ZNF431: variants seen among roughly 807,000 people sequenced by gnomAD.
ZNF431 encodes the protein zinc finger protein 431.
In ZNF431, 34 loss-of-function variants were observed where a neutral mutation model predicts 57.0. That is an observed-to-expected ratio of 0.60 (90% CI 0.45 to 0.79). ZNF431 has a LOEUF of 0.79. ZNF431 is among the 30% of genes least tolerant of loss of function. The pLI, the probability that ZNF431 is intolerant of heterozygous loss-of-function variation, is 0.00. For synonymous variants in ZNF431, 207 were observed against 220.3 expected, an observed-to-expected ratio of 0.94 and a Z score of 0.54; for missense variants, 607 against 667.1, an observed-to-expected ratio of 0.91 and a Z score of 0.99.
At chr19:21,158,497 A>G (rs896861805) in intron 2 of ZNF431, among the ~76,000 whole-genome samples, 3 of 152,140 alleles carry the variant, frequency 2.0e-5, no homozygotes, top group South Asian at 2.1e-4. Flanking sequence ...GGGCCTGGCC[A>G]TCTCTGACTT....
chr19:21,193,572 G>A lies in ZNF431; in HGVS notation c.*9538G>A, dbSNP rs1010070338. 1.3e-5 allele frequency: 2 copies of A among 151,972 alleles called. No homozygotes were observed. Among genetic ancestry groups the A allele is most frequent in the African/African-American group, 2.4e-5 (1 of 41,388 alleles). 9.4% of individuals were successfully genotyped at this position (151,972 alleles called of 1,614,324 possible). ...TAAAAACCTGTGTCATCTTGATACC[G>A]AAGTCTAGTGAAGACAACAACAACA... On this transcript the variant is annotated 3_prime_UTR_variant, in exon 5 of 5. Coordinates refer to ENST00000311048, the MANE Select transcript of ZNF431 (RefSeq NM_133473.4).
Position 21,186,607 on chromosome 19 carries a change from A to G in ZNF431, c.*2573A>G, listed in dbSNP as rs1423664749. On this transcript the variant is annotated 3_prime_UTR_variant, in exon 5 of 5. Coordinates refer to ENST00000311048, the MANE Select transcript of ZNF431 (RefSeq NM_133473.4). Reference sequence around the variant, plus strand: ...TATTGAATTTATTACTGTACAGTCTATGACTTAGAGTTCTGAATCTTCCCA... The same window carrying G: ...TATTGAATTTATTACTGTACAGTCTGTGACTTAGAGTTCTGAATCTTCCCA... 2.6e-5 allele frequency: 4 copies of G among 152,240 alleles called. No individual in the cohort carries two copies. The highest frequency in any genetic ancestry group is 2.1e-4 in the South Asian group (1 of 4,832). 9.4% of individuals were successfully genotyped at this position (152,240 alleles called of 1,614,324 possible). A position where few individuals can be genotyped will look rare whatever the true frequency, so the allele number is the denominator to read the frequency against.
intron 2 of ZNF431, among the ~76,000 whole-genome samples, chr19:21,147,237 A>G (rs1221160091): frequency 6.6e-6 from 1 of 152,168 alleles, no homozygotes; most frequent in East Asian, 1.9e-4. Flanking sequence ...CTGTAATCTC[A>G]GCCCTTTGGG....
chr19:21,181,003 C>A (rs1027901086), intron 4 of ZNF431, among the ~76,000 whole-genome samples: 2 of 150,288 alleles, frequency 1.3e-5, no homozygotes, highest in Admixed American at 1.3e-4. Flanking sequence ...TTATATCTGC[C>A]TTCAAATTTG....
rs1055497935 is a variant in ZNF431, at chr19:21,194,655, G to A, written c.*10621G>A. On this transcript the variant is annotated 3_prime_UTR_variant, in exon 5 of 5. Coordinates refer to ENST00000311048, the MANE Select transcript of ZNF431 (RefSeq NM_133473.4). ...GGCTAATTTTTATGTTTTTAGTAGA[G>A]ATCGAGTTTTGCTGTGTTGGCCAGG... 6.6e-6 allele frequency: 1 copy of A among 152,006 alleles called. No homozygotes were observed. Among genetic ancestry groups the A allele is most frequent in the African/African-American group, 2.4e-5 (1 of 41,374 alleles). The allele number at this position is 152,006 out of a possible 1,614,324, so 9.4% of individuals were successfully genotyped here.
chr19:21,145,174 A>C (rs932357149), intron 2 of ZNF431, among the ~76,000 whole-genome samples: 1 of 152,180 alleles, frequency 6.6e-6, no homozygotes, highest in Non-Finnish European at 1.5e-5. Flanking sequence ...TTGAGCCTAC[A>C]AAAGGAGGTT....
intron 4 of ZNF431, among the ~76,000 whole-genome samples, chr19:21,174,979 C>A (rs1413114828): frequency 6.6e-6 from 1 of 152,078 alleles, no homozygotes; most frequent in Non-Finnish European, 1.5e-5. Flanking sequence ...TCAGGCTGGT[C>A]CCAATCTGAC....
intron 4 of ZNF431, among the ~76,000 whole-genome samples, chr19:21,174,233 G>A (rs1970987778): frequency 6.6e-6 from 1 of 152,046 alleles, no homozygotes; most frequent in Admixed American, 6.6e-5. Context: ...ACACACTCAG[G>A]TATTCCTCTA....
At chr19:21,166,246 ACT>A (rs1402714891) in intron 2 of ZNF431, 87 bp from the exon 3 acceptor site, 10 of 1,525,856 alleles carry the variant, frequency 6.6e-6, no homozygotes, top group Non-Finnish European at 7.9e-6. Flanking sequence ...AGTTCTCTTT[ACT>A]CTCTCAATTC....
chr19:21,172,959 C>G (rs763105101), intron 4 of ZNF431, among the ~76,000 whole-genome samples: 1 of 152,150 alleles, frequency 6.6e-6, no homozygotes. Flanking sequence ...CTTCCACTTT[C>G]TGTTTTTATG....
At chr19:21,176,006 C>T (rs952839295) in intron 4 of ZNF431, among the ~76,000 whole-genome samples, 1 of 152,186 alleles carries the variant, frequency 6.6e-6, no homozygotes, top group East Asian at 1.9e-4. Flanking sequence ...GCCATACTGG[C>T]TTTCACAATG....
At chr19:21,158,171 TG>T (rs1322371187) in intron 2 of ZNF431, among the ~76,000 whole-genome samples, 1 of 152,102 alleles carries the variant, frequency 6.6e-6, no homozygotes, top group Non-Finnish European at 1.5e-5. Context: ...GAGCATAACA[TG>T]TTTTTTTAAT....
chr19:21,148,620 T>G (rs898489914), intron 2 of ZNF431, among the ~76,000 whole-genome samples: 6 of 152,216 alleles, frequency 3.9e-5, no homozygotes, highest in African/African-American at 1.4e-4. Flanking sequence ...AATCCACATT[T>G]CCATGTCTTC....
At chr19:21,148,197 A>C (rs1599574954) in intron 2 of ZNF431, among the ~76,000 whole-genome samples, 1 of 151,942 alleles carries the variant, frequency 6.6e-6, no homozygotes, top group Non-Finnish European at 1.5e-5. Context: ...GGTTTTCATC[A>C]TGTTGGCCAG....
intron 4 of ZNF431, among the ~76,000 whole-genome samples, chr19:21,181,264 A>G (rs1971204141): frequency 6.6e-6 from 1 of 152,058 alleles, no homozygotes; most frequent in African/African-American, 2.4e-5. Flanking sequence ...CATCTTTTAT[A>G]TGTAAGGCAT....
At chr19:21,170,598 C>A (rs1421252253) in intron 4 of ZNF431, among the ~76,000 whole-genome samples, 2 of 151,948 alleles carry the variant, frequency 1.3e-5, no homozygotes, top group Non-Finnish European at 2.9e-5. Flanking sequence ...GGATTTTCAC[C>A]CACTTTCTTC....
chr19:21,147,605 GA>G (rs71176821), intron 2 of ZNF431, among the ~76,000 whole-genome samples: 26,432 of 147,096 alleles, frequency 0.18, 2,358 homozygotes, highest in Non-Finnish European at 0.2. Flanking sequence ...CAGTCACAGT[GA>G]AAAAAAAAAA....
intron 2 of ZNF431, among the ~76,000 whole-genome samples, chr19:21,163,617 G>A (rs1388395613): frequency 6.6e-6 from 1 of 152,104 alleles, no homozygotes; most frequent in Non-Finnish European, 1.5e-5. Context: ...TGCCCTCTGG[G>A]TTTAAGCGAT....
chr19:21,171,583 T>C (rs1970891436), intron 4 of ZNF431, among the ~76,000 whole-genome samples: 1 of 151,634 alleles, frequency 6.6e-6, no homozygotes, highest in African/African-American at 2.4e-5. Flanking sequence ...GGTTATGACT[T>C]ATCTCATATA....
Sources: allele counts gnomAD v4.1 joint callset (sites outside exome capture counted in the v4.1 genomes callset), GRCh38; gene constraint gnomAD v4.1.1; transcripts MANE v1.5; gene names NCBI Gene and HGNC (gene_info 2026-07-23, HGNC 2026-07-21).